Variants in DENND2C observed in about 807,000 individuals in gnomAD.
The protein encoded by DENND2C is DENN domain-containing protein 2C.
A neutral mutation model predicts 112.4 loss-of-function variants in DENND2C; 72 were observed. That is an observed-to-expected ratio of 0.64 (90% CI 0.53 to 0.78). The LOEUF is 0.78. DENND2C is among the 30% of genes least tolerant of loss of function. DENND2C has a pLI of 0.00. For synonymous variants in DENND2C, 329 were observed against 381.6 expected, an observed-to-expected ratio of 0.86 and a Z score of 1.61; for missense variants, 992 against 1,113.8, an observed-to-expected ratio of 0.89 and a Z score of 1.56.
rs373148378 is a variant in DENND2C, at chr1:114,587,339, G to A, written c.2755+48C>T. ...TGGAATTACAGGCATGAGCCACCGC[G>A]CCTGGTCTTCAGCCACATTTATCTA... On this transcript the variant is annotated intron_variant, in intron 20 of 20. Transcript: ENST00000393274. 1.4e-5 allele frequency: 22 copies of A among 1,601,284 alleles called. No homozygotes were observed. The African/African-American group carries it at 1.9e-4, about 14-fold the overall frequency.
At chr1:114,636,873 G>T (rs975454739) in intron 3 of DENND2C, among the ~76,000 whole-genome samples, 1 of 151,754 alleles carries the variant, frequency 6.6e-6, no homozygotes, top group South Asian at 2.1e-4. Context: ...CAGTATAGAA[G>T]AATTAACTGT....
intron 3 of DENND2C, among the ~76,000 whole-genome samples, chr1:114,634,686 TAA>T (rs1656596810): frequency 6.6e-6 from 1 of 151,982 alleles, no homozygotes; most frequent in Admixed American, 6.6e-5. Flanking sequence ...TCTTTTAAAA[TAA>T]AAAAGTTTAA....
In DENND2C at chr1:114,585,328, CAG is replaced by C. The variant is rs967073002; in HGVS notation, c.*270_*271del. 2.5e-6 allele frequency: 1 copy of C among 396,524 alleles called. No homozygotes were observed. Among genetic ancestry groups the C allele is most frequent in the Non-Finnish European group, 4.6e-6 (1 of 218,658 alleles). 24.6% of individuals were successfully genotyped at this position (396,524 alleles called of 1,614,324 possible). On this transcript the variant is annotated 3_prime_UTR_variant, in exon 21 of 21. Transcript: ENST00000393274. ...CTACTTTCACAGACAAAGCACAAAA[CAG>C]AGAATGAGCCCAAGAATCACATAGA...
At position 114,602,118 on chromosome 1, in the gene DENND2C, T is replaced by C. The variant is rs764809942; in HGVS notation, c.1737+7A>G. 1.2e-6 allele frequency: 2 copies of C among 1,613,750 alleles called. No homozygotes were observed. Among genetic ancestry groups the C allele is most frequent in the East Asian group, 4.5e-5 (2 of 44,854 alleles). ...AACCCTGTCTGTAACACAAATCTGA[T>C]ACTTACCAAGAGCTTCTTACAGTAA... On this transcript the variant is annotated splice_region_variant and intron_variant, in intron 12 of 20. Coordinates refer to ENST00000393274, the MANE Select transcript of DENND2C (RefSeq NM_001256404.2).
intron 3 of DENND2C, among the ~76,000 whole-genome samples, chr1:114,638,012 T>C (rs1052160773): frequency 2.0e-5 from 3 of 152,066 alleles, no homozygotes; most frequent in Non-Finnish European, 4.4e-5. Flanking sequence ...AAACGAAGAA[T>C]AAAGCTGGAG....
chr1:114,614,110 T>A (rs1427303276), intron 8 of DENND2C, among the ~76,000 whole-genome samples: 1 of 151,818 alleles, frequency 6.6e-6, no homozygotes, highest in Non-Finnish European at 1.5e-5. Context: ...CATGAGCCTG[T>A]GGTCCCAGCT....
intron 8 of DENND2C, among the ~76,000 whole-genome samples, chr1:114,612,487 G>A (rs562143132): frequency 2.0e-5 from 3 of 151,036 alleles, no homozygotes; most frequent in African/African-American, 7.3e-5. Context: ...AGAGTAGGCT[G>A]GGACTACAGG....
In DENND2C at chr1:114,587,695, G is replaced by T. The variant is rs770533792; in HGVS notation, c.2668+21C>A. On this transcript the variant is annotated intron_variant, in intron 19 of 20. Transcript: ENST00000393274. The stretch of plus-strand genomic sequence containing the variant: ...AAGGTATTCACTAAATAGAGAGGGA[G>T]AACTTTATAATGAAACTGACCTTTA... 6.9e-6 allele frequency: 11 copies of T among 1,583,154 alleles called. No homozygotes were observed. In the South Asian group the frequency reaches 1.3e-4, roughly 18 times the overall value.
At chr1:114,628,527 A>G (rs1441062611) in intron 3 of DENND2C, among the ~76,000 whole-genome samples, 3 of 152,206 alleles carry the variant, frequency 2.0e-5, no homozygotes, top group Non-Finnish European at 4.4e-5. Flanking sequence ...AAAATGAACT[A>G]TTTCAAAAAT....
chr1:114,596,831 CGACACA>C (rs2101645047), intron 16 of DENND2C, among the ~76,000 whole-genome samples: 1 of 152,074 alleles, frequency 6.6e-6, no homozygotes, highest in South Asian at 2.1e-4. Context: ...TAAGTGGTAT[CGACACA>C]GACGGTTATC....
At position 114,594,587 on chromosome 1, in the gene DENND2C, G is replaced by GA. The variant is rs761187927; in HGVS notation, c.2326-10dup. On this transcript the variant is annotated splice_polypyrimidine_tract_variant and intron_variant, in intron 17 of 20. Transcript: ENST00000393274. Reference sequence around the variant, plus strand: ...TCATCCTCATCAGATACCTTAAGAAGAAAAAAAAATGGAGATTTTTCTTTG... The same window carrying GA: ...TCATCCTCATCAGATACCTTAAGAAGAAAAAAAAAATGGAGATTTTTCTTTG... The GA allele has an allele frequency of 5.3e-4, 836 of 1,566,838 alleles. No homozygotes were observed. The highest frequency in any genetic ancestry group is 6.8e-4 in the South Asian group (59 of 86,814).
intron 2 of DENND2C, among the ~76,000 whole-genome samples, chr1:114,653,508 T>G (rs892305303): frequency 1.1e-4 from 17 of 152,330 alleles, no homozygotes; most frequent in African/African-American, 4.1e-4. Context: ...AAGATTGAAT[T>G]TTTTGGTCCC....
intron 13 of DENND2C, 134 bp from the exon 14 acceptor site, chr1:114,601,094 A>C: frequency 1.0e-6 from 1 of 969,076 alleles, no homozygotes; most frequent in South Asian, 2.1e-5. Flanking sequence ...AAGCTTCTGC[A>C]ATCAATAAAA....
chr1:114,610,699 CAA>C (rs528172027), intron 9 of DENND2C, among the ~76,000 whole-genome samples: 21 of 83,370 alleles, frequency 2.5e-4, no homozygotes, highest in African/African-American at 1.4e-4. Flanking sequence ...GACTCCGTCT[CAA>C]AAAAAAAAAA....
chr1:114,590,177 TGAGCCCAA>T (rs1323524389), intron 18 of DENND2C, among the ~76,000 whole-genome samples: 1 of 152,176 alleles, frequency 6.6e-6, no homozygotes, highest in Non-Finnish European at 1.5e-5. Flanking sequence ...GCAGCTCACC[TGAGCCCAA>T]GAGCTTAGGA....
chr1:114,661,044 G>A (rs1269428678), intron 1 of DENND2C, among the ~76,000 whole-genome samples: 2 of 151,006 alleles, frequency 1.3e-5, no homozygotes, highest in African/African-American at 2.4e-5. Flanking sequence ...CCGGGAGGCG[G>A]AGGTTGCAGT....
At chr1:114,648,875 A>C (rs191738645) in intron 2 of DENND2C, among the ~76,000 whole-genome samples, 141 of 152,362 alleles carry the variant, frequency 9.3e-4, no homozygotes, top group African/African-American at 3.2e-3. Flanking sequence ...TAATAACATT[A>C]AGCTTTTAGA....
At chr1:114,592,288 A>G (rs187380038) in intron 18 of DENND2C, among the ~76,000 whole-genome samples, 2 of 152,174 alleles carry the variant, frequency 1.3e-5, no homozygotes, top group East Asian at 1.9e-4. Flanking sequence ...TATTCTTTCT[A>G]TTGCTCTATT....
intron 8 of DENND2C, among the ~76,000 whole-genome samples, chr1:114,615,649 C>T (rs10449297): frequency 0.026 from 3,897 of 152,260 alleles, 178 homozygotes; most frequent in African/African-American, 0.088. Context: ...TGAAAACTCA[C>T]GTTAAAAACA....
Sources: gnomAD v4.1 joint callset for allele counts (sites outside exome capture counted in the v4.1 genomes callset) on GRCh38, gnomAD v4.1.1 for gene constraint, MANE v1.5 for transcripts, NCBI Gene and HGNC (gene_info 2026-07-23, HGNC 2026-07-21) for gene names.